Variants in CSE1L observed in about 807,000 individuals in gnomAD.
CSE1L encodes exportin-2.
CSE1L carries 24 observed loss-of-function variants against 120.4 expected under a neutral mutation model. The observed-to-expected ratio is 0.20, with a 90% confidence interval of 0.14 to 0.28. CSE1L has a LOEUF of 0.28. CSE1L is among the 10% of genes least tolerant of loss of function. The probability of loss-of-function intolerance (pLI) is 1.00; values close to 1 mark genes in which losing one functional copy is unlikely to be tolerated. For synonymous variants in CSE1L, 402 were observed against 398.3 expected (o/e 1.01, Z -0.11); for missense variants, 830 against 1,145.2 (o/e 0.72, Z 3.97).
chr20:49,089,218 A>G (rs756855365), intron 17 of CSE1L, 29 bp from the exon 18 acceptor site: 11 of 1,507,978 alleles, frequency 7.3e-6, no homozygotes, highest in East Asian at 4.5e-5. Flanking sequence ...GATTATTAGC[A>G]TAATTAGGTT....
chr20:49,084,422 A>G (rs1273931073), intron 15 of CSE1L, among the ~76,000 whole-genome samples: 1 of 152,170 alleles, frequency 6.6e-6, no homozygotes, highest in African/African-American at 2.4e-5. Flanking sequence ...AAAGGATCCT[A>G]TATAGTAGTC....
In CSE1L at chr20:49,078,547, G is replaced by GT. The variant is rs2091986817; in HGVS notation, c.1421-7dup. ...ACCACTTAAGTAACTGTGGCTTTCT[G>GT]TTTTTTTATATAGTGAATGAATTTC... On this transcript the variant is annotated splice_polypyrimidine_tract_variant and intron_variant, in intron 13 of 24. Transcript: ENST00000262982. 7 of 1,550,778 alleles carry GT rather than the reference G, an allele frequency of 4.5e-6. No individual in the cohort carries two copies. The highest frequency in any genetic ancestry group is 5.2e-6 in the Non-Finnish European group (6 of 1,143,458).
rs1029433435 is a variant in CSE1L at position 49,072,769 on chromosome 20, A to G, written c.1066+72A>G. The G allele has an allele frequency of 8.0e-6, 11 of 1,375,256 alleles. No homozygotes were observed. In the African/African-American group the frequency reaches 1.2e-4, roughly 15 times the overall value. The allele number at this position is 1,375,256 out of a possible 1,614,324, so 85.2% of individuals were successfully genotyped here. The stretch of plus-strand genomic sequence containing the variant: ...TTGTTTTTTGTAACATATTCAGTCT[A>G]ATTCATTTATTACTGGATAAAACTT... On this transcript the variant is annotated intron_variant, in intron 10 of 24. Coordinates refer to ENST00000262982, the MANE Select transcript of CSE1L (RefSeq NM_001316.4).
chr20:49,055,775 T>G (rs1056526731), intron 1 of CSE1L, among the ~76,000 whole-genome samples: 6 of 152,176 alleles, frequency 3.9e-5, no homozygotes, highest in Non-Finnish European at 8.8e-5. Context: ...GATATGTGAT[T>G]GTAAGATTAG....
chr20:49,060,327 C>A (rs1177510834), intron 2 of CSE1L, among the ~76,000 whole-genome samples: 4 of 150,924 alleles, frequency 2.7e-5, no homozygotes, highest in Admixed American at 2.0e-4. Context: ...ACTAAAAATA[C>A]AAAAATTAGC....
At chr20:49,081,314 C>T (rs1247223038) in intron 14 of CSE1L, among the ~76,000 whole-genome samples, 1 of 148,394 alleles carries the variant, frequency 6.7e-6, no homozygotes, top group Non-Finnish European at 1.5e-5. Context: ...AACAGGGTCT[C>T]GTTCTGTCGC....
intron 24 of CSE1L, 148 bp from the exon 25 acceptor site, chr20:49,096,201 G>T: frequency 1.4e-6 from 1 of 722,518 alleles, no homozygotes; most frequent in Non-Finnish European, 2.5e-6. Context: ...CATAAAAGCA[G>T]TTGAGTTTCT....
Position 49,096,753 on chromosome 20 carries a change from TTC to T in CSE1L, c.*317_*318del, listed in dbSNP as rs1175071178. 7.0e-6 allele frequency: 2 copies of T among 284,578 alleles called. No individual in the cohort carries two copies. Among genetic ancestry groups the T allele is most frequent in the Non-Finnish European group, 1.3e-5 (2 of 151,154 alleles). The allele number at this position is 284,578 out of a possible 1,614,324, so 17.6% of individuals were successfully genotyped here. A position where few individuals can be genotyped will look rare whatever the true frequency, so the allele number is the denominator to read the frequency against. Reference sequence around the variant, plus strand: ...AATTTTGACGGACACTGTGGAGACTTTCTGTTACTAAATCCTTTTGTTTTGAA... The same window carrying T: ...AATTTTGACGGACACTGTGGAGACTTTGTTACTAAATCCTTTTGTTTTGAA... On this transcript the variant is annotated 3_prime_UTR_variant, in exon 25 of 25. Coordinates refer to ENST00000262982, the MANE Select transcript of CSE1L (RefSeq NM_001316.4).
intron 1 of CSE1L, among the ~76,000 whole-genome samples, chr20:49,053,953 G>C (rs533283022): frequency 5.9e-5 from 9 of 152,334 alleles, no homozygotes; most frequent in Admixed American, 2.0e-4. Context: ...CCTCCCACCA[G>C]TGGAGACTCT....
chr20:49,053,576 CTT>C (rs1334253454), intron 1 of CSE1L, among the ~76,000 whole-genome samples: 2 of 151,948 alleles, frequency 1.3e-5, no homozygotes, highest in African/African-American at 4.8e-5. Context: ...GTCTCAAACT[CTT>C]GACCTCAGGT....
intron 22 of CSE1L, among the ~76,000 whole-genome samples, chr20:49,093,163 GA>G (rs1011366807): frequency 1.2e-4 from 18 of 152,220 alleles, no homozygotes; most frequent in Non-Finnish European, 1.8e-4. Context: ...AAGGAGACCA[GA>G]AAACATGGCT....
intron 10 of CSE1L, among the ~76,000 whole-genome samples, chr20:49,073,116 A>G (rs1303057483): frequency 6.6e-6 from 1 of 152,002 alleles, no homozygotes; most frequent in East Asian, 1.9e-4. Flanking sequence ...GGCTCAAGTG[A>G]TCCTCCTACC....
intron 14 of CSE1L, among the ~76,000 whole-genome samples, chr20:49,079,127 A>T (rs1476675249): frequency 6.6e-6 from 1 of 151,878 alleles, no homozygotes; most frequent in East Asian, 1.9e-4. Flanking sequence ...TCCTGACCTC[A>T]GGTGATCTGT....
At chr20:49,095,192 G>A (rs1364060946) in intron 24 of CSE1L, 1 of 649,624 alleles carries the variant, frequency 1.5e-6, no homozygotes. Context: ...GAACAAAGGA[G>A]GAAAAATCCC....
intron 1 of CSE1L, among the ~76,000 whole-genome samples, chr20:49,050,803 C>G (rs550967156): frequency 6.6e-6 from 1 of 152,020 alleles, no homozygotes; most frequent in Non-Finnish European, 1.5e-5. Flanking sequence ...GTCAAGTGAT[C>G]GTCCCATCTC....
intron 13 of CSE1L, 80 bp downstream of exon 13, chr20:49,077,144 C>CTT: frequency 1.4e-6 from 1 of 726,778 alleles, no homozygotes; most frequent in Non-Finnish European, 2.1e-6. Context: ...ATCCTTGTTC[C>CTT]CTTTTGTTCT....
chr20:49,095,574 C>G (rs776976086), intron 24 of CSE1L, among the ~76,000 whole-genome samples: 3 of 152,028 alleles, frequency 2.0e-5, no homozygotes, highest in Non-Finnish European at 2.9e-5. Flanking sequence ...CTCAGCCTCC[C>G]AAAGTGCTGG....
intron 2 of CSE1L, among the ~76,000 whole-genome samples, chr20:49,061,932 G>A (rs1864905025): frequency 6.6e-6 from 1 of 152,152 alleles, no homozygotes; most frequent in South Asian, 2.1e-4. Flanking sequence ...GAGACTGACT[G>A]ACTAGACTGA....
In CSE1L at chr20:49,075,539, G is replaced by A; in HGVS notation, c.1335+19G>A. The A allele has an allele frequency of 6.3e-7, 1 of 1,592,668 alleles. No homozygotes were observed. Among genetic ancestry groups the A allele is most frequent in the Non-Finnish European group, 8.6e-7 (1 of 1,165,740 alleles). The stretch of plus-strand genomic sequence containing the variant: ...ACAGAAGGTAAATATTTTTAATGTG[G>A]TTTTGTTTCTAAAACAGACATCAGT... On this transcript the variant is annotated intron_variant, in intron 12 of 24. Transcript: ENST00000262982.
Sources: gnomAD v4.1 joint callset for allele counts (sites outside exome capture counted in the v4.1 genomes callset) on GRCh38, gnomAD v4.1.1 for gene constraint, MANE v1.5 for transcripts, NCBI Gene and HGNC (gene_info 2026-07-23, HGNC 2026-07-21) for gene names.